The following ME1 variants were observed in gnomAD, a reference collection of about 807,000 sequenced individuals.
The protein encoded by ME1 is malic enzyme 1, also known as NADP-dependent malic enzyme.
ME1 carries 74 observed loss-of-function variants against 66.4 expected under a neutral mutation model. The observed-to-expected ratio is 1.11, with a 90% CI of 0.92 to 1.35. ME1 has a LOEUF of 1.35. Among genes scored for constraint, ME1 ranks in the 40% most tolerant of loss-of-function variants. ME1 has a pLI of 0.00. For missense variants in ME1, 750 were observed against 694.1 expected (o/e 1.08, Z -0.90); for synonymous variants, 251 against 235.6 (o/e 1.07, Z -0.60).
intron 6 of ME1, among the ~76,000 whole-genome samples, chr6:83,292,181 T>A (rs976698254): frequency 2.6e-5 from 4 of 152,204 alleles, no homozygotes; most frequent in African/African-American, 7.2e-5. Context: ...GAAGTTGTGT[T>A]CCTTTGGAGA....
chr6:83,400,523 T>C (rs1769818957), intron 2 of ME1, among the ~76,000 whole-genome samples: 1 of 152,208 alleles, frequency 6.6e-6, no homozygotes, highest in Non-Finnish European at 1.5e-5. Flanking sequence ...AACACTCATG[T>C]GAAATACATG....
At chr6:83,366,928 TTTACTTTGCCCAGA>T (rs1769110952) in intron 3 of ME1, among the ~76,000 whole-genome samples, 1 of 152,226 alleles carries the variant, frequency 6.6e-6, no homozygotes, top group Admixed American at 6.5e-5. Flanking sequence ...AGGTTTTCAA[TTTACTTTGCCCAGA>T]TCCATCAAAC....
chr6:83,354,425 C>T (rs1246896369), intron 3 of ME1, among the ~76,000 whole-genome samples: 4 of 152,196 alleles, frequency 2.6e-5, no homozygotes, highest in Non-Finnish European at 4.4e-5. Flanking sequence ...AGCTACGGCA[C>T]TTGGCCTCTC....
At chr6:83,360,731 C>T (rs1020931579) in intron 3 of ME1, among the ~76,000 whole-genome samples, 1 of 152,174 alleles carries the variant, frequency 6.6e-6, no homozygotes, top group Non-Finnish European at 1.5e-5. Flanking sequence ...TACCACATCC[C>T]CGTTCAACTC....
At chr6:83,360,095 A>T (rs1768980163) in intron 3 of ME1, among the ~76,000 whole-genome samples, 1 of 152,216 alleles carries the variant, frequency 6.6e-6, no homozygotes, top group East Asian at 1.9e-4. Flanking sequence ...GGCTAATTTG[A>T]ATTATAAAAA....
intron 6 of ME1, among the ~76,000 whole-genome samples, chr6:83,271,095 T>C (rs936022361): frequency 6.6e-6 from 1 of 151,366 alleles, no homozygotes; most frequent in African/African-American, 2.4e-5. Context: ...TTTCCGGTAA[T>C]ATAAAATGAA....
chr6:83,421,623 C>A (rs1318151344), intron 1 of ME1, among the ~76,000 whole-genome samples: 1 of 152,062 alleles, frequency 6.6e-6, no homozygotes, highest in Non-Finnish European at 1.5e-5. Context: ...CTGCTGTAAT[C>A]AACTGGCCTT....
chr6:83,403,712 T>C (rs1016565558), intron 2 of ME1, among the ~76,000 whole-genome samples: 2 of 152,182 alleles, frequency 1.3e-5, no homozygotes, highest in Non-Finnish European at 2.9e-5. Context: ...CCATGTGTTC[T>C]CATTGTTCAA....
At chr6:83,220,368 T>C (rs1790068636) in intron 12 of ME1, among the ~76,000 whole-genome samples, 1 of 152,138 alleles carries the variant, frequency 6.6e-6, no homozygotes, top group South Asian at 2.1e-4. Flanking sequence ...GAACAGGATG[T>C]GAGGAGTCTA....
chr6:83,229,548 C>T (rs1455223262), intron 9 of ME1, among the ~76,000 whole-genome samples: 1 of 152,078 alleles, frequency 6.6e-6, no homozygotes, highest in Non-Finnish European at 1.5e-5. Context: ...TACTTGATGA[C>T]TTACAAGTTG....
chr6:83,334,258 C>A (rs571268860), intron 5 of ME1, among the ~76,000 whole-genome samples: 1 of 141,062 alleles, frequency 7.1e-6, no homozygotes, highest in African/African-American at 2.7e-5. Context: ...CTTTTCAGAC[C>A]GGCTTAAGAA....
chr6:83,372,532 TTC>T (rs1468233627), intron 3 of ME1, among the ~76,000 whole-genome samples: 2 of 152,344 alleles, frequency 1.3e-5, no homozygotes, highest in Middle Eastern at 3.4e-3. Flanking sequence ...CTAGACTTTC[TTC>T]TCTCTTACAA....
intron 4 of ME1, among the ~76,000 whole-genome samples, chr6:83,348,088 A>G (rs1390712169): frequency 1.3e-5 from 2 of 152,186 alleles, no homozygotes; most frequent in African/African-American, 2.4e-5. Flanking sequence ...GGTAGGTGAA[A>G]ATCATTTTTG....
chr6:83,260,444 G>C (rs1583345180), intron 6 of ME1, among the ~76,000 whole-genome samples: 1 of 152,178 alleles, frequency 6.6e-6, no homozygotes, highest in East Asian at 1.9e-4. Flanking sequence ...TTTAGGTTCA[G>C]GGGTACATAT....
At chr6:83,339,946 T>G (rs1768543690) in intron 5 of ME1, among the ~76,000 whole-genome samples, 1 of 135,804 alleles carries the variant, frequency 7.4e-6, no homozygotes, top group African/African-American at 2.8e-5. Context: ...AATGTGCACA[T>G]GTACCCTAAA....
intron 2 of ME1, among the ~76,000 whole-genome samples, chr6:83,406,995 C>T (rs1769957906): frequency 6.6e-6 from 1 of 151,822 alleles, no homozygotes; most frequent in East Asian, 1.9e-4. Flanking sequence ...CACACACACA[C>T]ACACACACAT....
At chr6:83,220,350 C>G (rs1325209853) in intron 12 of ME1, among the ~76,000 whole-genome samples, 1 of 152,052 alleles carries the variant, frequency 6.6e-6, no homozygotes, top group South Asian at 2.1e-4. Flanking sequence ...GATTTGTCTC[C>G]CAGGTGTGAA....
chr6:83,340,000 A>T (rs933406720), intron 5 of ME1, among the ~76,000 whole-genome samples: 10 of 152,080 alleles, frequency 6.6e-5, no homozygotes, highest in Non-Finnish European at 1.5e-4. Flanking sequence ...AAGAAATGTG[A>T]AATACTATAT....
At chr6:83,422,330 T>A (rs1232093886) in intron 1 of ME1, among the ~76,000 whole-genome samples, 1 of 152,148 alleles carries the variant, frequency 6.6e-6, no homozygotes, top group African/African-American at 2.4e-5. Context: ...TGGGTCCAAC[T>A]TGCAAAATCA....
Sources: allele counts gnomAD v4.1 joint callset (sites outside exome capture counted in the v4.1 genomes callset), GRCh38; gene constraint gnomAD v4.1.1; transcripts MANE v1.5; gene names NCBI Gene and HGNC (gene_info 2026-07-23, HGNC 2026-07-21).